HNRNPUL1: variants seen among roughly 807,000 people sequenced by gnomAD.
HNRNPUL1 encodes heterogeneous nuclear ribonucleoprotein U-like protein 1.
HNRNPUL1 carries 14 observed loss-of-function variants against 108.5 expected under a neutral mutation model. The ratio of observed to expected loss-of-function variants is 0.13; its 90% confidence interval spans 0.09 to 0.20. The LOEUF (loss-of-function observed/expected upper bound fraction) is 0.20, where lower values mean the gene tolerates loss of function less well. Among genes scored for constraint, HNRNPUL1 ranks in the 10% least tolerant of loss-of-function variants. HNRNPUL1 has a pLI of 1.00. For missense variants in HNRNPUL1, 804 were observed against 1,168.3 expected (o/e 0.69, Z 4.55); for synonymous variants, 422 against 445.2 (o/e 0.95, Z 0.66).
chr19:41,267,693 G>A (rs1047396215), intron 1 of HNRNPUL1, among the ~76,000 whole-genome samples: 1 of 152,228 alleles, frequency 6.6e-6, no homozygotes, highest in African/African-American at 2.4e-5. Flanking sequence ...CCACTGGTAG[G>A]GCCCTTGGGG....
At chr19:41,265,827 G>C (rs2034803830) in intron 1 of HNRNPUL1, among the ~76,000 whole-genome samples, 1 of 151,952 alleles carries the variant, frequency 6.6e-6, no homozygotes, top group Non-Finnish European at 1.5e-5. Flanking sequence ...CAGCACAGGA[G>C]TACGTATCTG....
At chr19:41,284,781 A>C (rs1264829416) in intron 7 of HNRNPUL1, among the ~76,000 whole-genome samples, 1 of 152,126 alleles carries the variant, frequency 6.6e-6, no homozygotes, top group Non-Finnish European at 1.5e-5. Context: ...GCAGATCACG[A>C]GGTCAGGAGA....
chr19:41,293,443 T>TA (rs1418478463), intron 8 of HNRNPUL1, among the ~76,000 whole-genome samples: 1 of 152,182 alleles, frequency 6.6e-6, no homozygotes, highest in Non-Finnish European at 1.5e-5. Flanking sequence ...TTTTCTTTTT[T>TA]AAAAATCCTT....
rs2034994348 is a variant in HNRNPUL1 at position 41,268,428 on chromosome 19, C to G, written c.418+83C>G. On this transcript the variant is annotated intron_variant, in intron 2 of 14. Coordinates refer to ENST00000392006, the MANE Select transcript of HNRNPUL1 (RefSeq NM_007040.6). Reference sequence around the variant, plus strand: ...ACCCCCTGCTTAGAGCGGGTCTTCCCAGAGAAACTGTGCATCTTTTTTCTT... The same window carrying G: ...ACCCCCTGCTTAGAGCGGGTCTTCCGAGAGAAACTGTGCATCTTTTTTCTT... 6 of 1,420,458 alleles carry G rather than the reference C, an allele frequency of 4.2e-6. No individual in the cohort carries two copies. In the South Asian group the frequency reaches 8.3e-5, roughly 20 times the overall value. 88.0% of individuals were successfully genotyped at this position (1,420,458 alleles called of 1,614,324 possible).
At chr19:41,270,180 A>G (rs548706946) in intron 2 of HNRNPUL1, among the ~76,000 whole-genome samples, 1 of 152,074 alleles carries the variant, frequency 6.6e-6, no homozygotes, top group South Asian at 2.1e-4. Flanking sequence ...ACGGGGTTTT[A>G]CCATGTTGGC....
rs555251451 is a variant in HNRNPUL1, at chr19:41,294,178, T to C, written c.1267-160T>C. Among the ~76,000 whole-genome samples, 3 of 152,278 alleles carry C rather than the reference T, an allele frequency of 2.0e-5. No homozygotes were observed. In the East Asian group the frequency reaches 5.8e-4, roughly 29 times the overall value. On this transcript the variant is annotated intron_variant, in intron 8 of 14. Coordinates refer to ENST00000392006, the MANE Select transcript of HNRNPUL1 (RefSeq NM_007040.6). The surrounding 1 kb of genome is among the most constrained non-coding windows in gnomAD (Gnocchi z 4.3). ...TCAGAGTCTGACAAGCCTGATCTTTTTGAATCCCGATACCAGTACTGTGAG... is the reference window on the plus strand; with the variant it reads ...TCAGAGTCTGACAAGCCTGATCTTTCTGAATCCCGATACCAGTACTGTGAG...
chr19:41,305,365 G>A (rs1275690956), intron 13 of HNRNPUL1, among the ~76,000 whole-genome samples: 1 of 152,158 alleles, frequency 6.6e-6, no homozygotes, highest in Non-Finnish European at 1.5e-5. Context: ...AGTTGTTCTT[G>A]TTCTATTGTG....
chr19:41,266,490 G>T (rs1484738167), intron 1 of HNRNPUL1, among the ~76,000 whole-genome samples: 1 of 151,838 alleles, frequency 6.6e-6, no homozygotes, highest in African/African-American at 2.4e-5. Context: ...GGGGGGTCTC[G>T]CTATGTTGCC....
rs368735746 is a variant in HNRNPUL1, at chr19:41,305,783, C to T, written c.2370C>T (p.Gly790=). ...CTGCCTACAACTATGGGAGCTACGGCGGTTACAACCCGGCCCCCTATACCC... is the reference window on the plus strand; with the variant it reads ...CTGCCTACAACTATGGGAGCTACGGTGGTTACAACCCGGCCCCCTATACCC... The part of the protein sequence containing the change: ...PPPAYNYGSY[G]GYNPAPYTPP... The change falls in exon 14 of 15, where the codon GGC becomes GGT. Residue 790 remains glycine, a synonymous_variant. Coordinates refer to ENST00000392006, the MANE Select transcript of HNRNPUL1 (RefSeq NM_007040.6). 20 of 1,613,552 alleles carry T rather than the reference C, an allele frequency of 1.2e-5. No individual in the cohort carries two copies. The highest frequency in any genetic ancestry group is 1.6e-4 in the Middle Eastern group (1 of 6,070).
chr19:41,285,877 C>T (rs2036191924), intron 7 of HNRNPUL1, among the ~76,000 whole-genome samples: 1 of 152,118 alleles, frequency 6.6e-6, no homozygotes, highest in Non-Finnish European at 1.5e-5. Context: ...CTCCCAAAAA[C>T]TTAACTACTG....
At chr19:41,305,578 C>T in intron 13 of HNRNPUL1, 98 bp from the exon 14 acceptor site, 1 of 1,476,834 alleles carries the variant, frequency 6.8e-7, no homozygotes, top group Non-Finnish European at 9.4e-7. Context: ...CCCCTGTGGG[C>T]CAACCACTTA....
At chr19:41,280,743 G>A (rs556605098) in intron 6 of HNRNPUL1, among the ~76,000 whole-genome samples, 9 of 152,186 alleles carry the variant, frequency 5.9e-5, no homozygotes, top group African/African-American at 1.9e-4. Context: ...CTTTCCCAGG[G>A]GTCAGTCCTC....
intron 2 of HNRNPUL1, 99 bp downstream of exon 2, chr19:41,268,444 C>G: frequency 6.1e-6 from 8 of 1,312,798 alleles, no homozygotes; most frequent in Non-Finnish European, 8.3e-6. Context: ...AACTGTGCAT[C>G]TTTTTTCTTG....
intron 4 of HNRNPUL1, 48 bp from the exon 5 acceptor site, chr19:41,276,111 C>G: frequency 6.2e-7 from 1 of 1,612,348 alleles, no homozygotes; most frequent in East Asian, 2.2e-5. Flanking sequence ...CTCAAGAAAA[C>G]AAAACAAAAT....
rs1490621809 is a variant in HNRNPUL1, at chr19:41,307,147, G to A, written c.*582G>A. On this transcript the variant is annotated 3_prime_UTR_variant, in exon 15 of 15. Transcript: ENST00000392006. ...TTTTAGAATTTGTCTTTTTACTGTG[G>A]GTGGGCTGTTGATATTTCATCAAGA... is the stretch of plus-strand genomic sequence containing the variant. 2 of 152,058 alleles carry A rather than the reference G, an allele frequency of 1.3e-5. No individual in the cohort carries two copies. The highest frequency in any genetic ancestry group is 2.9e-5 in the Non-Finnish European group (2 of 67,992). The allele number at this position is 152,058 out of a possible 1,614,324, so 9.4% of individuals were successfully genotyped here.
chr19:41,272,199 G>A lies in HNRNPUL1; in HGVS notation c.536G>A (p.Arg179Gln), dbSNP rs140550135. ...CGAAAGAGGCCTTATGAAGAAAACC[G>A]GGGACGGGGGTACTTTGAGCACCGA... ...QSRKRPYEEN[R>Q]GRGYFEHRED... The change falls in exon 3 of 15, where the codon CGG becomes CAG. Residue 179 changes from arginine to glutamine, a missense_variant. This residue lies in a region of HNRNPUL1 where 256 missense variants were observed against 261.6 expected (regional missense o/e 0.98). Transcript: ENST00000392006. 39 of 1,613,860 alleles carry A rather than the reference G, an allele frequency of 2.4e-5. No homozygotes were observed. The African/African-American group carries it at 2.9e-4, about 12-fold the overall frequency.
Position 41,264,508 on chromosome 19 carries a change from A to G in HNRNPUL1, c.5A>G (p.Asp2Gly). The G allele has an allele frequency of 7.0e-7, 1 of 1,423,756 alleles. No homozygotes were observed. Among genetic ancestry groups the G allele is most frequent in the Non-Finnish European group, 9.2e-7 (1 of 1,086,228 alleles). The allele number at this position is 1,423,756 out of a possible 1,614,324, so 88.2% of individuals were successfully genotyped here. A position where few individuals can be genotyped will look rare whatever the true frequency, so the allele number is the denominator to read the frequency against. The part of the protein sequence containing the change: M[D>G]VRRLKVNELR... Reference sequence around the variant, plus strand: ...GCCACCCCGGGGGCCCGGGCCATGGATGTGCGCCGTCTGAAGGTGAACGAA... The same window carrying G: ...GCCACCCCGGGGGCCCGGGCCATGGGTGTGCGCCGTCTGAAGGTGAACGAA... The change falls in exon 1 of 15, where the codon GAT becomes GGT. Residue 2 changes from aspartate to glycine, a missense_variant. This residue lies in a region of HNRNPUL1 where 256 missense variants were observed against 261.6 expected (regional missense o/e 0.98). Coordinates refer to ENST00000392006, the MANE Select transcript of HNRNPUL1 (RefSeq NM_007040.6).
intron 5 of HNRNPUL1, 76 bp from the exon 6 acceptor site, chr19:41,279,001 G>A (rs2035745901): frequency 1.0e-6 from 1 of 969,774 alleles, no homozygotes; most frequent in South Asian, 1.3e-5. Flanking sequence ...TGCCTGATAT[G>A]CTTCCCTCCT....
In HNRNPUL1 at chr19:41,306,735, T is replaced by C. The variant is rs570005756; in HGVS notation, c.*170T>C. ...CTCTGAGGGGCTTCCTTCCCCTCCA[T>C]AGGGCCAGGCATTTTTTTCTGGATT... is the stretch of plus-strand genomic sequence containing the variant. On this transcript the variant is annotated 3_prime_UTR_variant, in exon 15 of 15. Coordinates refer to ENST00000392006, the MANE Select transcript of HNRNPUL1 (RefSeq NM_007040.6). The C allele has an allele frequency of 1.5e-4, 61 of 410,864 alleles. No homozygotes were observed. The highest frequency in any genetic ancestry group is 2.4e-4 in the Non-Finnish European group (55 of 231,872). 25.5% of individuals were successfully genotyped at this position (410,864 alleles called of 1,614,324 possible).
Sources: allele counts gnomAD v4.1 joint callset (sites outside exome capture counted in the v4.1 genomes callset), GRCh38; gene constraint gnomAD v4.1.1; regional missense constraint gnomAD v4.1.1; non-coding constraint Gnocchi (gnomAD v3.1); transcripts MANE v1.5; gene names NCBI Gene and HGNC (gene_info 2026-07-23, HGNC 2026-07-21).